Variants in SIPA1L1 observed in about 807,000 individuals in gnomAD.
The protein encoded by SIPA1L1 is signal-induced proliferation-associated 1-like protein 1.
A neutral mutation model predicts 162.7 loss-of-function variants in SIPA1L1; 26 were observed. The observed-to-expected ratio is 0.16, with a 90% CI of 0.12 to 0.22. The LOEUF is 0.22. SIPA1L1 is among the 10% of genes least tolerant of loss of function. The probability of loss-of-function intolerance (pLI) is 1.00; values close to 1 mark genes in which losing one functional copy is unlikely to be tolerated. For synonymous variants in SIPA1L1, 829 were observed against 837.4 expected (o/e 0.99, Z 0.17); for missense variants, 1,874 against 2,241.0 (o/e 0.84, Z 3.31).
At chr14:71,545,338 T>C (rs1315961549) in intron 4 of SIPA1L1, among the ~76,000 whole-genome samples, 4 of 152,250 alleles carry the variant, frequency 2.6e-5, no homozygotes, top group Non-Finnish European at 5.9e-5. Context: ...AGTATTCCAT[T>C]TACGAACCTC....
At chr14:71,395,915 G>A (rs2041157278) in intron 2 of SIPA1L1, among the ~76,000 whole-genome samples, 1 of 152,280 alleles carries the variant, frequency 6.6e-6, no homozygotes, top group Middle Eastern at 3.4e-3. Context: ...TTCAGCCACC[G>A]AGTAGTAACT....
chr14:71,440,664 A>T (rs866193314), intron 2 of SIPA1L1, among the ~76,000 whole-genome samples: 1 of 150,860 alleles, frequency 6.6e-6, no homozygotes, highest in African/African-American at 2.4e-5. Context: ...AAAAAAAAAA[A>T]AAAAAAAAGG....
chr14:71,571,973 G>T (rs2032155200), intron 4 of SIPA1L1, among the ~76,000 whole-genome samples: 1 of 152,044 alleles, frequency 6.6e-6, no homozygotes, highest in Admixed American at 6.6e-5. Context: ...TTTTTAAAAA[G>T]AATTTATTTC....
At chr14:71,506,855 G>GTTTTTATT (rs2050715920) in intron 2 of SIPA1L1, among the ~76,000 whole-genome samples, 1 of 145,860 alleles carries the variant, frequency 6.9e-6, no homozygotes. Context: ...TTTGACACAG[G>GTTTTTATT]GTCTCGTCTT....
At chr14:71,643,670 T>C (rs2041916997) in intron 7 of SIPA1L1, among the ~76,000 whole-genome samples, 1 of 152,154 alleles carries the variant, frequency 6.6e-6, no homozygotes, top group Non-Finnish European at 1.5e-5. Flanking sequence ...GTTGTTTTGG[T>C]TGGAGTAAAT....
intron 2 of SIPA1L1, among the ~76,000 whole-genome samples, chr14:71,482,891 C>T (rs184925861): frequency 6.6e-6 from 1 of 152,276 alleles, no homozygotes; most frequent in Admixed American, 6.5e-5. Context: ...GATATTTGTG[C>T]CTAGATGTTC....
chr14:71,681,134 G>A (rs966082423), intron 12 of SIPA1L1, among the ~76,000 whole-genome samples: 32 of 152,330 alleles, frequency 2.1e-4, no homozygotes, highest in Non-Finnish European at 4.6e-4. Context: ...GAACCAGCTA[G>A]CATGACAGCC....
At chr14:71,534,610 A>G (rs1249827947) in intron 4 of SIPA1L1, among the ~76,000 whole-genome samples, 1 of 152,220 alleles carries the variant, frequency 6.6e-6, no homozygotes, top group Non-Finnish European at 1.5e-5. Flanking sequence ...CCAATTGAAT[A>G]AAATTAGTCT....
intron 4 of SIPA1L1, among the ~76,000 whole-genome samples, chr14:71,568,639 T>C (rs1249687906): frequency 3.3e-5 from 5 of 152,110 alleles, no homozygotes; most frequent in African/African-American, 1.2e-4. Context: ...GAGAGCAAGT[T>C]TATTAAGCAA....
intron 5 of SIPA1L1, among the ~76,000 whole-genome samples, chr14:71,603,593 A>AG (rs759073789): frequency 1.6e-4 from 24 of 152,146 alleles, no homozygotes; most frequent in Non-Finnish European, 3.1e-4. Flanking sequence ...CTGAATATCT[A>AG]GGACTACAGG....
Position 71,608,661 on chromosome 14 carries a change from C to T in SIPA1L1, c.1499-10096C>T, listed in dbSNP as rs2037816453. On this transcript the variant is annotated intron_variant, in intron 5 of 23. Coordinates refer to ENST00000381232, the MANE Select transcript of SIPA1L1 (RefSeq NM_001386936.1). ...TCTGTAGTCCCAGCACTTTGGGAGG[C>T]CGAGGCAGGCAGATCACGAGGTCAG... 3.9e-5 allele frequency among the ~76,000 whole-genome samples: 6 copies of T among 152,184 alleles called. No homozygotes were observed. The South Asian group carries it at 1.3e-3, about 32-fold the overall frequency.
chr14:71,378,889 CTA>C (rs2039646849), intron 2 of SIPA1L1, among the ~76,000 whole-genome samples: 2 of 152,068 alleles, frequency 1.3e-5, no homozygotes, highest in East Asian at 3.9e-4. Flanking sequence ...TGGTAATACT[CTA>C]TTTAAAAGTT....
At chr14:71,702,329 C>T (rs575330637) in intron 14 of SIPA1L1, 52 bp from the exon 15 acceptor site, 1 of 1,603,932 alleles carries the variant, frequency 6.2e-7, no homozygotes, top group South Asian at 1.1e-5. Context: ...CTGCCTTCCC[C>T]TCATGGGTAA....
intron 8 of SIPA1L1, among the ~76,000 whole-genome samples, chr14:71,657,933 T>C (rs150315694): frequency 6.6e-6 from 1 of 152,306 alleles, no homozygotes; most frequent in East Asian, 1.9e-4. Context: ...TATTATATTA[T>C]TTGTTGTTGC....
At chr14:71,442,508 A>T (rs1027730109) in intron 2 of SIPA1L1, among the ~76,000 whole-genome samples, 6 of 152,208 alleles carry the variant, frequency 3.9e-5, no homozygotes, top group African/African-American at 1.4e-4. Context: ...GAGAAAGTTG[A>T]AATAAATGGA....
At position 71,371,441 on chromosome 14, in the gene SIPA1L1, G is replaced by A. The variant is rs2038882505; in HGVS notation, c.-465+50260G>A. 2.0e-5 allele frequency among the ~76,000 whole-genome samples: 3 copies of A among 152,166 alleles called. 1 individual carries two copies. The South Asian group carries it at 6.2e-4, about 32-fold the overall frequency. On this transcript the variant is annotated intron_variant, in intron 2 of 23. Transcript: ENST00000381232. Reference sequence around the variant, plus strand: ...CTTGCTTTGTCACCTAGGCTGGAGTGCAGTGGTGTGATCTCAGCTCACTGC... The same window carrying A: ...CTTGCTTTGTCACCTAGGCTGGAGTACAGTGGTGTGATCTCAGCTCACTGC...
chr14:71,656,212 G>A (rs1432604919), intron 8 of SIPA1L1, among the ~76,000 whole-genome samples: 1 of 152,134 alleles, frequency 6.6e-6, no homozygotes, highest in East Asian at 1.9e-4. Flanking sequence ...AGAGAGAAGG[G>A]GCTAGAAGTA....
At position 71,654,022 on chromosome 14, in the gene SIPA1L1, A is replaced by G. The variant is rs369006781; in HGVS notation, c.1993+3513A>G. Among the ~76,000 whole-genome samples the G allele has an allele frequency of 4.4e-4, 67 of 152,358 alleles. 1 individual carries two copies. In the South Asian group the frequency reaches 0.013, roughly 31 times the overall value. ...TCCTCCCTCTTAAGCCCTTGAGCTA[A>G]CAGTACTCAAACCAGCTCATGAGAT... is the stretch of plus-strand genomic sequence containing the variant. On this transcript the variant is annotated intron_variant, in intron 8 of 23. Transcript: ENST00000381232.
intron 4 of SIPA1L1, among the ~76,000 whole-genome samples, chr14:71,536,567 A>T (rs577145431): frequency 4.2e-4 from 64 of 152,342 alleles, no homozygotes; most frequent in African/African-American, 1.5e-3. Context: ...TTAGCCTGGA[A>T]TTCTTTTGGA....
Sources: gnomAD v4.1 joint callset for allele counts (sites outside exome capture counted in the v4.1 genomes callset) on GRCh38, gnomAD v4.1.1 for gene constraint, MANE v1.5 for transcripts, NCBI Gene and HGNC (gene_info 2026-07-23, HGNC 2026-07-21) for gene names.